The following MRAP2 variants were observed in gnomAD, a reference collection of about 807,000 sequenced individuals.
The protein encoded by MRAP2 is melanocortin-2 receptor accessory protein 2.
Under a neutral mutation model 17.4 loss-of-function variants are expected in MRAP2, and 20 were observed. The observed-to-expected ratio is 1.15, with a 90% CI of 0.81 to 1.67. The LOEUF is 1.67. MRAP2 is among the 40% of genes most tolerant of loss of function. MRAP2 has a pLI of 0.00. For synonymous variants in MRAP2, 96 were observed against 88.4 expected, an observed-to-expected ratio of 1.09 and a Z score of -0.48; for missense variants, 238 against 240.0, an observed-to-expected ratio of 0.99 and a Z score of 0.05.
At chr6:84,041,523 A>T (rs978058438) in intron 1 of MRAP2, among the ~76,000 whole-genome samples, 1 of 152,196 alleles carries the variant, frequency 6.6e-6, no homozygotes, top group East Asian at 1.9e-4. Context: ...CAGACACTCA[A>T]TGCCAGCTGT....
downstream of MRAP2, among the ~76,000 whole-genome samples, chr6:84,095,866 T>C (rs2099502587): frequency 2.0e-5 from 3 of 152,214 alleles, no homozygotes; most frequent in South Asian, 6.2e-4. Flanking sequence ...TGTCTTTCTA[T>C]GGAGTTGGAG....
chr6:84,056,817 A>C (rs923169923), intron 2 of MRAP2, among the ~76,000 whole-genome samples: 1 of 152,206 alleles, frequency 6.6e-6, no homozygotes, highest in Non-Finnish European at 1.5e-5. Context: ...AGAAGCACAG[A>C]AGACAGGCCT....
At chr6:84,060,852 A>ATTTTTTTTT (rs771171189) in intron 2 of MRAP2, among the ~76,000 whole-genome samples, 13 of 119,540 alleles carry the variant, frequency 1.1e-4, no homozygotes, top group Non-Finnish European at 1.2e-4. Context: ...CACCCGGCTA[A>ATTTTTTTTT]TTTTTTTTTT....
In MRAP2 at chr6:84,055,405, G is replaced by T. The variant is rs752566491; in HGVS notation, c.87G>T (p.Glu29Asp). The change falls in exon 2 of 4, where the codon GAG becomes GAT. Residue 29 changes from glutamate to aspartate, a missense_variant. Transcript: ENST00000257776. ...SDYTWEYEYY[E>D]IGPVSFEGLK... ...ACACCTGGGAATATGAATATTATGA[G>T]ATTGGACCAGTTTCCTTTGAAGGAC... is the stretch of plus-strand genomic sequence containing the variant. The T allele has an allele frequency of 1.2e-6, 2 of 1,613,048 alleles. No individual in the cohort carries two copies. Among genetic ancestry groups the T allele is most frequent in the South Asian group, 2.2e-5 (2 of 90,752 alleles).
At chr6:84,143,373 A>T in the MRAP2 span, among the ~76,000 whole-genome samples, 5 of 152,054 alleles carry the variant, frequency 3.3e-5, no homozygotes, top group African/African-American at 1.2e-4. Context: ...TAAGAAATTA[A>T]TGTTACTAAG....
intron 3 of MRAP2, among the ~76,000 whole-genome samples, chr6:84,067,283 G>A (rs1300610261): frequency 2.0e-5 from 3 of 152,192 alleles, no homozygotes; most frequent in Non-Finnish European, 2.9e-5. Flanking sequence ...CTTGTTGATT[G>A]ATGGGCATTT....
intron 1 of MRAP2, among the ~76,000 whole-genome samples, chr6:84,041,719 C>G (rs1253387319): frequency 6.6e-6 from 1 of 152,186 alleles, no homozygotes; most frequent in Non-Finnish European, 1.5e-5. Flanking sequence ...GCCTGTAGCC[C>G]CTTTGTTTTG....
At chr6:84,038,822 G>T (rs2099486791) in intron 1 of MRAP2, among the ~76,000 whole-genome samples, 1 of 152,208 alleles carries the variant, frequency 6.6e-6, no homozygotes, top group Non-Finnish European at 1.5e-5. Context: ...GTTGTTGCAT[G>T]AGCAGAAACA....
In MRAP2 at chr6:84,089,592, A is replaced by T; in HGVS notation, c.*111A>T. 1 of 1,262,890 alleles carries T rather than the reference A, an allele frequency of 7.9e-7. No individual in the cohort carries two copies. Among genetic ancestry groups the T allele is most frequent in the Admixed American group, 2.2e-5 (1 of 44,936 alleles). The allele number at this position is 1,262,890 out of a possible 1,614,324, so 78.2% of individuals were successfully genotyped here. ...GTTTGGGGGAGAGAGAGACATAGAG[A>T]TAGAGACAGAGAGGCAGAGAAGAGA... On this transcript the variant is annotated 3_prime_UTR_variant, in exon 4 of 4. Coordinates refer to ENST00000257776, the MANE Select transcript of MRAP2 (RefSeq NM_138409.4).
At position 84,089,595 on chromosome 6, in the gene MRAP2, G is replaced by A. The variant is rs184025365; in HGVS notation, c.*114G>A. On this transcript the variant is annotated 3_prime_UTR_variant, in exon 4 of 4. Transcript: ENST00000257776. ...TGGGGGAGAGAGAGACATAGAGATAGAGACAGAGAGGCAGAGAAGAGACCC... is the reference window on the plus strand; with the variant it reads ...TGGGGGAGAGAGAGACATAGAGATAAAGACAGAGAGGCAGAGAAGAGACCC... 8.1e-7 allele frequency: 1 copy of A among 1,231,678 alleles called. No homozygotes were observed. Among genetic ancestry groups the A allele is most frequent in the African/African-American group, 1.6e-5 (1 of 63,980 alleles). The allele number at this position is 1,231,678 out of a possible 1,614,324, so 76.3% of individuals were successfully genotyped here.
the MRAP2 span, among the ~76,000 whole-genome samples, chr6:84,112,674 C>T: frequency 6.6e-6 from 1 of 152,066 alleles, no homozygotes; most frequent in Admixed American, 6.6e-5. Flanking sequence ...TCTTGCCTCT[C>T]TAGTTCTTTT....
intron 1 of MRAP2, among the ~76,000 whole-genome samples, chr6:84,053,132 G>A (rs1394089622): frequency 1.3e-5 from 2 of 152,304 alleles, no homozygotes; most frequent in Non-Finnish European, 2.9e-5. Flanking sequence ...CTGCGTGGCC[G>A]TGGGAGAACA....
chr6:84,110,351 C>T, the MRAP2 span, among the ~76,000 whole-genome samples: 1,253 of 152,168 alleles, frequency 8.2e-3, 18 homozygotes, highest in African/African-American at 0.028. Context: ...TGATGATTAA[C>T]TTTCTTTCAT....
intron 2 of MRAP2, among the ~76,000 whole-genome samples, chr6:84,057,384 C>T (rs1270250323): frequency 6.6e-6 from 1 of 152,202 alleles, no homozygotes; most frequent in African/African-American, 2.4e-5. Flanking sequence ...CTTTATTTGC[C>T]TTACCTGTAA....
chr6:84,075,758 AG>A (rs1179164094), intron 3 of MRAP2, among the ~76,000 whole-genome samples: 3 of 152,194 alleles, frequency 2.0e-5, no homozygotes, highest in African/African-American at 7.2e-5. Flanking sequence ...TTCTTCACTT[AG>A]GGGCCAGTGC....
the MRAP2 span, among the ~76,000 whole-genome samples, chr6:84,109,593 A>T: frequency 6.6e-6 from 1 of 151,776 alleles, no homozygotes; most frequent in African/African-American, 2.4e-5. Context: ...TTCTTAAAAC[A>T]CTCAACTTCT....
chr6:84,050,328 G>A (rs763124478), intron 1 of MRAP2, among the ~76,000 whole-genome samples: 2 of 152,168 alleles, frequency 1.3e-5, no homozygotes, highest in Non-Finnish European at 1.5e-5. Flanking sequence ...ACTGCCCTGG[G>A]AGGACACTGT....
chr6:84,140,386 T>C, the MRAP2 span, among the ~76,000 whole-genome samples: 72 of 152,306 alleles, frequency 4.7e-4, no homozygotes, highest in African/African-American at 1.7e-3. Flanking sequence ...ACAACTCTTC[T>C]GTCTGCAGAG....
intron 3 of MRAP2, among the ~76,000 whole-genome samples, chr6:84,084,348 T>C (rs189902625): frequency 5.3e-4 from 80 of 152,338 alleles, no homozygotes; most frequent in African/African-American, 1.8e-3. Flanking sequence ...GACAAAGATA[T>C]AGTATTCCTC....
Sources: allele counts gnomAD v4.1 joint callset (sites outside exome capture counted in the v4.1 genomes callset), GRCh38; gene constraint gnomAD v4.1.1; transcripts MANE v1.5; gene names NCBI Gene and HGNC (gene_info 2026-07-23, HGNC 2026-07-21).